The following HEATR5A variants were observed in gnomAD, a reference collection of about 807,000 sequenced individuals.
HEATR5A encodes the protein HEAT repeat containing 5A.
HEATR5A carries 178 observed loss-of-function variants against 218.8 expected under a neutral mutation model. That is an observed-to-expected ratio of 0.81 (90% CI 0.72 to 0.92). The LOEUF (loss-of-function observed/expected upper bound fraction) is 0.92. HEATR5A is among the 40% of genes least tolerant of loss of function. The pLI is 0.00. For synonymous variants in HEATR5A, 864 were observed against 871.6 expected (o/e 0.99, Z 0.15); for missense variants, 2,420 against 2,418.9 (o/e 1.00, Z -0.01).
At chr14:31,400,596 T>A in intron 2 of HEATR5A, 84 bp from the exon 3 acceptor site, 1 of 913,734 alleles carries the variant, frequency 1.1e-6, no homozygotes, top group Non-Finnish European at 1.6e-6. Context: ...TTCATATATT[T>A]AAGAACTAAA....
At chr14:31,325,090 T>G (rs1490908788) in intron 23 of HEATR5A, among the ~76,000 whole-genome samples, 2 of 152,202 alleles carry the variant, frequency 1.3e-5, no homozygotes, top group African/African-American at 4.8e-5. Context: ...AATCTGTCTA[T>G]GTCTTCAGGC....
Position 31,293,291 on chromosome 14 carries a change from T to C in HEATR5A, c.*14A>G. 6.4e-7 allele frequency: 1 copy of C among 1,565,340 alleles called. No individual in the cohort carries two copies. The highest frequency in any genetic ancestry group is 8.6e-7 in the Non-Finnish European group (1 of 1,159,794). On this transcript the variant is annotated 3_prime_UTR_variant, in exon 36 of 36. Transcript: ENST00000543095. ...ATTTATTATATTAAGGTGCTTACTA[T>C]TCCAAAAAAAAAATCAGAGGAAACT... is the stretch of plus-strand genomic sequence containing the variant.
chr14:31,362,120 A>G (rs528945778), intron 14 of HEATR5A, among the ~76,000 whole-genome samples: 1 of 152,058 alleles, frequency 6.6e-6, no homozygotes, highest in Non-Finnish European at 1.5e-5. Flanking sequence ...ATGTGCCACC[A>G]TGCCCAGCTA....
chr14:31,382,040 T>C (rs2030010658), intron 10 of HEATR5A, among the ~76,000 whole-genome samples: 1 of 152,138 alleles, frequency 6.6e-6, no homozygotes, highest in South Asian at 2.1e-4. Flanking sequence ...ATACAGTCAA[T>C]GGATAGCACT....
Position 31,394,217 on chromosome 14 carries a change from C to G in HEATR5A, c.607G>C (p.Glu203Gln), listed in dbSNP as rs2030561687. 2 of 1,480,340 alleles carry G rather than the reference C, an allele frequency of 1.4e-6. No individual in the cohort carries two copies. The highest frequency in any genetic ancestry group is 1.8e-6 in the Non-Finnish European group (2 of 1,121,182). 91.7% of individuals were successfully genotyped at this position (1,480,340 alleles called of 1,614,324 possible). A position where few individuals can be genotyped will look rare whatever the true frequency, so the allele number is the denominator to read the frequency against. Reference protein sequence around the residue: ...VRCAAAKCLLELQNEAIFMWS... With the variant: ...VRCAAAKCLLQLQNEAIFMWS... The stretch of plus-strand genomic sequence containing the variant: ...ATAAAGATGGCTTCATTCTGAAGTT[C>G]AAGGAGACACTATTCAATTGGACAA... Residue 203 changes from glutamate to glutamine, a missense_variant, in exon 6 of 36, where the codon GAA becomes CAA. Glu to Gln is a conservative substitution (Grantham distance 29). Coordinates refer to ENST00000543095, the MANE Select transcript of HEATR5A (RefSeq NM_015473.4).
chr14:31,302,199 T>C (rs544880823), intron 33 of HEATR5A, 96 bp downstream of exon 33: 4 of 857,594 alleles, frequency 4.7e-6, no homozygotes, highest in African/African-American at 1.7e-5. Flanking sequence ...CTAGGTGATA[T>C]GGCCAAATAT....
intron 6 of HEATR5A, among the ~76,000 whole-genome samples, chr14:31,392,208 C>T (rs2030481273): frequency 6.6e-6 from 1 of 152,140 alleles, no homozygotes; most frequent in African/African-American, 2.4e-5. Flanking sequence ...TCAGTCTGTC[C>T]CTACACAGAT....
intron 21 of HEATR5A, 136 bp from the exon 22 acceptor site, chr14:31,337,750 G>A: frequency 1.6e-6 from 1 of 610,540 alleles, no homozygotes; most frequent in South Asian, 2.9e-5. Context: ...AAATACATAG[G>A]AACTTCTTGA....
At chr14:31,404,947 A>G (rs538218424) in intron 1 of HEATR5A, among the ~76,000 whole-genome samples, 11 of 150,272 alleles carry the variant, frequency 7.3e-5, no homozygotes, top group Non-Finnish European at 1.5e-4. Flanking sequence ...GTCCAGTGCC[A>G]TGTGCGATGG....
intron 23 of HEATR5A, among the ~76,000 whole-genome samples, chr14:31,325,714 C>T (rs1814305804): frequency 6.6e-6 from 1 of 151,882 alleles, no homozygotes; most frequent in African/African-American, 2.4e-5. Context: ...TGGTGTTTTG[C>T]CACGTTGCCC....
Position 31,349,857 on chromosome 14 carries a change from C to A in HEATR5A, c.2640G>T (p.Trp880Cys), listed in dbSNP as rs1326658765. Residue 880 changes from tryptophan (W) to cysteine (C), a missense_variant, in exon 18 of 36, where the codon TGG (tryptophan) becomes TGT (cysteine). By Grantham distance (215) the Trp-to-Cys change is radical. Coordinates refer to ENST00000543095, the MANE Select transcript of HEATR5A (RefSeq NM_015473.4). The part of the protein sequence containing the change: ...PLLRCAAAES[W>C]ARLAQVVDDG... ...CATCTACCACTTGGGCTAATCTAGC[C>A]CATGACTCTGCAGCTGCACATCTCA... 2 of 1,613,216 alleles carry A rather than the reference C, an allele frequency of 1.2e-6. No homozygotes were observed. The highest frequency in any genetic ancestry group is 1.7e-6 in the Non-Finnish European group (2 of 1,179,368).
At chr14:31,296,411 G>A in intron 33 of HEATR5A, 1 of 192,204 alleles carries the variant, frequency 5.2e-6, no homozygotes, top group Non-Finnish European at 1.1e-5. Flanking sequence ...CATTGATAGG[G>A]TTGTGAAGAT....
At chr14:31,386,307 C>A (rs1410426736) in intron 9 of HEATR5A, 113 bp downstream of exon 9, 5 of 743,570 alleles carry the variant, frequency 6.7e-6, no homozygotes, top group Non-Finnish European at 1.0e-5. Context: ...TTTCATAAAA[C>A]ATTTCTCATA....
chr14:31,319,881 C>CA (rs1310614757), intron 25 of HEATR5A, among the ~76,000 whole-genome samples: 5 of 151,850 alleles, frequency 3.3e-5, no homozygotes, highest in African/African-American at 9.7e-5. Flanking sequence ...CCTGTCTTTA[C>CA]AAAAAAACAC....
intron 22 of HEATR5A, 47 bp from the exon 23 acceptor site, chr14:31,326,389 T>C (rs1325427657): frequency 1.5e-6 from 2 of 1,370,290 alleles, no homozygotes; most frequent in South Asian, 2.6e-5. Context: ...AAAACAAAAC[T>C]ACCATATCAG....
chr14:31,294,166 GACTCTTT>G, intron 34 of HEATR5A, 62 bp from the exon 35 acceptor site: 1 of 1,109,260 alleles, frequency 9.0e-7, no homozygotes, highest in Non-Finnish European at 1.3e-6. Context: ...AGTCCCTGAG[GACTCTTT>G]GCTTTTTAAA....
chr14:31,339,336 G>C (rs1431095359), intron 21 of HEATR5A, among the ~76,000 whole-genome samples: 2 of 151,124 alleles, frequency 1.3e-5, no homozygotes, highest in Admixed American at 6.6e-5. Context: ...TGTAGTCCCA[G>C]CTACTGGAGA....
intron 27 of HEATR5A, 66 bp downstream of exon 27, chr14:31,315,704 A>G: frequency 8.5e-7 from 1 of 1,182,886 alleles, no homozygotes. Flanking sequence ...AGTAAATTTC[A>G]GTTTATGGCC....
At chr14:31,306,040 G>A (rs919838070) in intron 31 of HEATR5A, among the ~76,000 whole-genome samples, 1 of 152,152 alleles carries the variant, frequency 6.6e-6, no homozygotes, top group African/African-American at 2.4e-5. Context: ...ATGCACGTTG[G>A]TAAACACAGC....
Sources: gnomAD v4.1 joint callset for allele counts (sites outside exome capture counted in the v4.1 genomes callset) on GRCh38, gnomAD v4.1.1 for gene constraint, MANE v1.5 for transcripts, NCBI Gene and HGNC (gene_info 2026-07-23, HGNC 2026-07-21) for gene names.